Variants in PTPRG observed in about 807,000 individuals in gnomAD.
The protein encoded by PTPRG is protein tyrosine phosphatase receptor type G, also known as receptor-type tyrosine-protein phosphatase gamma.
In PTPRG, 102 loss-of-function variants were observed where a neutral mutation model predicts 165.3. The observed-to-expected ratio is 0.62, with a 90% CI of 0.53 to 0.73. The LOEUF is 0.73. PTPRG is among the 30% of genes least tolerant of loss of function. The pLI is 0.00. For synonymous variants in PTPRG, 675 were observed against 669.5 expected, an observed-to-expected ratio of 1.01 and a Z score of -0.13; for missense variants, 1,866 against 1,861.4, an observed-to-expected ratio of 1.00 and a Z score of -0.05.
At chr3:61,974,534 C>A (rs1189561310) in intron 2 of PTPRG, among the ~76,000 whole-genome samples, 7 of 150,864 alleles carry the variant, frequency 4.6e-5, no homozygotes, top group Admixed American at 2.0e-4. Flanking sequence ...GCCTGGGCAA[C>A]AAAGCAAGAT....
At chr3:62,112,254 A>C (rs1702695515) in intron 5 of PTPRG, among the ~76,000 whole-genome samples, 1 of 152,030 alleles carries the variant, frequency 6.6e-6, no homozygotes, top group African/African-American at 2.4e-5. Flanking sequence ...ACAGGCACGC[A>C]CCACCATGCG....
At chr3:61,792,720 CTTTCTTTCTTTCTTTCTTT>C (rs2034922265) in intron 2 of PTPRG, among the ~76,000 whole-genome samples, 1 of 76,544 alleles carries the variant, frequency 1.3e-5, no homozygotes, top group Non-Finnish European at 2.7e-5. Context: ...TTCTTTCTTT[CTTTCTTTCTTTCTTTCTTT>C]CTTTCTTTGA....
chr3:62,282,967 C>A, intron 28 of PTPRG, 98 bp downstream of exon 28: 1 of 1,104,678 alleles, frequency 9.1e-7, no homozygotes. Context: ...TAAAACCTAT[C>A]AACAACCTCA....
At chr3:62,068,100 C>T (rs1331028789) in intron 4 of PTPRG, among the ~76,000 whole-genome samples, 1 of 152,112 alleles carries the variant, frequency 6.6e-6, no homozygotes, top group South Asian at 2.1e-4. Flanking sequence ...TTAGATAAGA[C>T]CTACTATCTC....
intron 5 of PTPRG, among the ~76,000 whole-genome samples, chr3:62,107,043 A>G (rs1349109731): frequency 6.6e-6 from 1 of 152,180 alleles, no homozygotes; most frequent in Admixed American, 6.5e-5. Context: ...CCTATTTTGA[A>G]CCAGGATCTC....
intron 1 of PTPRG, among the ~76,000 whole-genome samples, chr3:61,714,693 C>T (rs1209971198): frequency 1.3e-5 from 2 of 152,184 alleles, no homozygotes; most frequent in Non-Finnish European, 2.9e-5. Context: ...CATATACTTG[C>T]AGGGCTCCTT....
At position 62,273,069 on chromosome 3, in the gene PTPRG, C is replaced by G. The variant is rs1252278315; in HGVS notation, c.3306C>G (p.Leu1102=). The stretch of plus-strand genomic sequence containing the variant: ...ATATCAGGACACAGCGTAACTACCT[C>G]GTCCAGACTGAGGTAAGGAGTAGCT... ...LKHIRTQRNY[L]VQTEEQYIFI... The change falls in exon 22 of 30, where the codon CTC becomes CTG. Residue 1102 remains leucine (L), a synonymous_variant. Coordinates refer to ENST00000474889, the MANE Select transcript of PTPRG (RefSeq NM_002841.4). This position sits in a 1 kb window ranked among gnomAD's most constrained non-coding sequence, Gnocchi z 4.1. 6.2e-7 allele frequency: 1 copy of G among 1,611,676 alleles called. No individual in the cohort carries two copies. Among genetic ancestry groups the G allele is most frequent in the Non-Finnish European group, 8.5e-7 (1 of 1,179,174 alleles).
intron 1 of PTPRG, among the ~76,000 whole-genome samples, chr3:61,688,122 G>A (rs1229783897): frequency 6.6e-6 from 1 of 152,180 alleles, no homozygotes; most frequent in Non-Finnish European, 1.5e-5. Context: ...GGTTGTCAGG[G>A]AAGGTGTGTT....
intron 2 of PTPRG, among the ~76,000 whole-genome samples, chr3:61,951,209 T>G (rs1423001145): frequency 6.6e-6 from 1 of 152,220 alleles, no homozygotes; most frequent in Non-Finnish European, 1.5e-5. Flanking sequence ...GAACTCTTTT[T>G]CCTAGTTACT....
At chr3:61,765,453 T>G (rs7648560) in intron 2 of PTPRG, among the ~76,000 whole-genome samples, 67,736 of 151,908 alleles carry the variant, frequency 0.45, 15,876 homozygotes, top group Non-Finnish European at 0.53. Flanking sequence ...TAAGAGGCCG[T>G]TAGGAAATAA....
At chr3:62,071,195 A>T (rs9879067) in intron 4 of PTPRG, among the ~76,000 whole-genome samples, 4 of 152,026 alleles carry the variant, frequency 2.6e-5, no homozygotes. Flanking sequence ...AGCTATCTGC[A>T]TGCTGTTTCC....
At chr3:61,880,614 C>G (rs186858547) in intron 2 of PTPRG, among the ~76,000 whole-genome samples, 1 of 138,858 alleles carries the variant, frequency 7.2e-6, no homozygotes, top group Non-Finnish European at 1.5e-5. Flanking sequence ...ACAACGCGAA[C>G]CCTGTCTCAA....
chr3:61,783,413 T>G (rs2034602395), intron 2 of PTPRG, among the ~76,000 whole-genome samples: 1 of 152,188 alleles, frequency 6.6e-6, no homozygotes. Context: ...TTAAAGAGTG[T>G]TCATTGTATT....
At chr3:61,834,179 C>A (rs377474712) in intron 2 of PTPRG, among the ~76,000 whole-genome samples, 16 of 152,260 alleles carry the variant, frequency 1.1e-4, no homozygotes, top group East Asian at 5.8e-4. Context: ...CATGTTGCCT[C>A]TCCTGAGTCA....
At position 61,974,979 on chromosome 3, in the gene PTPRG, C is replaced by T. The variant is rs149007356; in HGVS notation, c.191-14646C>T. Reference sequence around the variant, plus strand: ...AATAGTGCTATAGCAAGAAGTTTAACGAGAGTCTCTGGAGCCATCTCTCTG... The same window carrying T: ...AATAGTGCTATAGCAAGAAGTTTAATGAGAGTCTCTGGAGCCATCTCTCTG... On this transcript the variant is annotated intron_variant, in intron 2 of 29. Transcript: ENST00000474889. 6.6e-3 allele frequency among the ~76,000 whole-genome samples: 1,000 copies of T among 152,290 alleles called. 6 individuals carry two copies. The highest frequency in any genetic ancestry group is 8.2e-3 in the Non-Finnish European group (561 of 68,022).
At chr3:62,085,703 CT>C (rs1294592378) in intron 5 of PTPRG, among the ~76,000 whole-genome samples, 1 of 152,218 alleles carries the variant, frequency 6.6e-6, no homozygotes, top group East Asian at 1.9e-4. Flanking sequence ...TTTTCTGCCT[CT>C]TTCCCCCCTT....
chr3:62,095,031 A>G (rs1276588372), intron 5 of PTPRG, among the ~76,000 whole-genome samples: 1 of 152,216 alleles, frequency 6.6e-6, no homozygotes, highest in Non-Finnish European at 1.5e-5. Context: ...CTGGCTTTAT[A>G]AATGATGAAA....
intron 2 of PTPRG, among the ~76,000 whole-genome samples, chr3:61,955,737 A>T (rs1051013673): frequency 6.6e-6 from 1 of 152,196 alleles, no homozygotes; most frequent in Non-Finnish European, 1.5e-5. Flanking sequence ...AAAGATTTAT[A>T]TTATGTTTCA....
At chr3:62,022,919 TTTTA>T (rs1370138799) in intron 4 of PTPRG, among the ~76,000 whole-genome samples, 2 of 152,212 alleles carry the variant, frequency 1.3e-5, no homozygotes, top group Non-Finnish European at 2.9e-5. Flanking sequence ...ATCTGAAGCC[TTTTA>T]TTTTTCTTGT....
Sources: allele counts gnomAD v4.1 joint callset (sites outside exome capture counted in the v4.1 genomes callset), GRCh38; gene constraint gnomAD v4.1.1; non-coding constraint Gnocchi (gnomAD v3.1); transcripts MANE v1.5; gene names NCBI Gene and HGNC (gene_info 2026-07-23, HGNC 2026-07-21).